The following TOP6BL variants were observed in gnomAD, a reference collection of about 807,000 sequenced individuals.
TOP6BL encodes the protein type 2 DNA topoisomerase 6 subunit B-like.
the TOP6BL span, chr11:66,762,329 GC>G: frequency 2.5e-6 from 1 of 397,928 alleles, no homozygotes. Context: ...GGCGGGGCGG[GC>G]CCCGGGGGTG....
chr11:66,833,804 C>T, the TOP6BL span, among the ~76,000 whole-genome samples: 1 of 152,014 alleles, frequency 6.6e-6, no homozygotes, highest in Non-Finnish European at 1.5e-5. Context: ...AAAAATTAGC[C>T]AGGCCTGTTG....
the TOP6BL span, among the ~76,000 whole-genome samples, chr11:66,789,484 T>C: frequency 6.6e-6 from 1 of 152,172 alleles, no homozygotes; most frequent in Non-Finnish European, 1.5e-5. Flanking sequence ...AAGGAATGGG[T>C]ATGGTATCAG....
chr11:66,744,775 T>TCGGGCGTGGGCA, the TOP6BL span: 14 of 1,228,038 alleles, frequency 1.1e-5, 1 homozygote, highest in Non-Finnish European at 1.2e-5. Flanking sequence ...GGGCGTGGAC[T>TCGGGCGTGGGCA]CGGGCGTGGG....
chr11:66,796,419 G>C, the TOP6BL span: 1 of 1,378,272 alleles, frequency 7.3e-7, no homozygotes, highest in Non-Finnish European at 1.0e-6. Context: ...TTGTTTTCCA[G>C]AGACCTTTAC....
the TOP6BL span, chr11:66,843,124 G>A: frequency 6.2e-7 from 1 of 1,604,280 alleles, no homozygotes; most frequent in Non-Finnish European, 8.5e-7. Context: ...CAGGCCACGG[G>A]CCGCTGCTGA....
At chr11:66,752,498 G>A in the TOP6BL span, among the ~76,000 whole-genome samples, 1 of 151,868 alleles carries the variant, frequency 6.6e-6, no homozygotes, top group Non-Finnish European at 1.5e-5. Context: ...GTCACCCAGG[G>A]TGGAGTGTAG....
At chr11:66,761,264 C>G in the TOP6BL span, among the ~76,000 whole-genome samples, 1 of 151,732 alleles carries the variant, frequency 6.6e-6, no homozygotes, top group African/African-American at 2.4e-5. Context: ...CCAGCTACTC[C>G]AGAGGCTGAG....
chr11:66,833,397 T>A, the TOP6BL span, among the ~76,000 whole-genome samples: 1 of 152,134 alleles, frequency 6.6e-6, no homozygotes, highest in African/African-American at 2.4e-5. Flanking sequence ...GAATTACATG[T>A]GCAAAGACTT....
At chr11:66,804,756 G>T in the TOP6BL span, among the ~76,000 whole-genome samples, 1 of 152,162 alleles carries the variant, frequency 6.6e-6, no homozygotes, top group South Asian at 2.1e-4. Context: ...TGGCCAATAT[G>T]GTGAAACCCT....
the TOP6BL span, among the ~76,000 whole-genome samples, chr11:66,746,990 G>A: frequency 3.3e-5 from 5 of 151,606 alleles, no homozygotes; most frequent in African/African-American, 1.2e-4. Flanking sequence ...AGGCTGGAGC[G>A]CAGTGACCCA....
chr11:66,784,956 C>CT, the TOP6BL span, among the ~76,000 whole-genome samples: 4,368 of 95,128 alleles, frequency 0.046, 375 homozygotes, highest in African/African-American at 0.12. Context: ...TCTAAGATTT[C>CT]TTTTTTTTTT....
the TOP6BL span, among the ~76,000 whole-genome samples, chr11:66,812,998 C>G: frequency 6.6e-6 from 1 of 152,092 alleles, no homozygotes; most frequent in Non-Finnish European, 1.5e-5. Flanking sequence ...ATGGGAAGTT[C>G]AGAGATAGAA....
At chr11:66,751,214 G>T in the TOP6BL span, among the ~76,000 whole-genome samples, 1 of 151,632 alleles carries the variant, frequency 6.6e-6, no homozygotes, top group Non-Finnish European at 1.5e-5. Flanking sequence ...GTTTTTTGAG[G>T]CAGAGTCTCA....
At chr11:66,812,743 G>A in the TOP6BL span, among the ~76,000 whole-genome samples, 1 of 152,216 alleles carries the variant, frequency 6.6e-6, no homozygotes, top group Non-Finnish European at 1.5e-5. Context: ...AGGTTAAGCA[G>A]TGGTTCTTAA....
the TOP6BL span, chr11:66,842,787 G>T: frequency 6.2e-6 from 9 of 1,462,176 alleles, no homozygotes; most frequent in Non-Finnish European, 8.2e-6. Flanking sequence ...CTTCCCCTTG[G>T]CCAAGGGTGC....
chr11:66,837,208 G>A, the TOP6BL span, among the ~76,000 whole-genome samples: 1 of 151,352 alleles, frequency 6.6e-6, no homozygotes, highest in African/African-American at 2.4e-5. Flanking sequence ...CTCACTGCAA[G>A]CTCTGCCTTC....
chr11:66,833,758 G>C, the TOP6BL span, among the ~76,000 whole-genome samples: 1 of 151,958 alleles, frequency 6.6e-6, no homozygotes, highest in African/African-American at 2.4e-5. Flanking sequence ...AACCTGCCTG[G>C]CAAACATGGC....
At chr11:66,758,270 G>C in the TOP6BL span, 1 of 217,360 alleles carries the variant, frequency 4.6e-6, no homozygotes, top group Non-Finnish European at 7.5e-6. Context: ...CTAGGTAAGA[G>C]AATTCTTACC....
At chr11:66,782,894 AATG>A in the TOP6BL span, among the ~76,000 whole-genome samples, 1 of 152,202 alleles carries the variant, frequency 6.6e-6, no homozygotes, top group Non-Finnish European at 1.5e-5. Context: ...TGATACTGAT[AATG>A]ATCTCTTTCT....
Sources: gnomAD v4.1 joint callset for allele counts (sites outside exome capture counted in the v4.1 genomes callset) on GRCh38, gnomAD v4.1.1 for gene constraint, MANE v1.5 for transcripts, NCBI Gene and HGNC (gene_info 2026-07-23, HGNC 2026-07-21) for gene names.